Variants in DIP2C observed in about 807,000 individuals in gnomAD.
DIP2C encodes disco-interacting protein 2 homolog C.
DIP2C carries 33 observed loss-of-function variants against 192.4 expected under a neutral mutation model. The ratio of observed to expected loss-of-function variants is 0.17; its 90% CI spans 0.13 to 0.23. The LOEUF (loss-of-function observed/expected upper bound fraction) is 0.23. DIP2C is among the 10% of genes least tolerant of loss of function. The pLI, the probability that DIP2C is intolerant of heterozygous loss-of-function variation, is 1.00. For missense variants in DIP2C, 1,537 were observed against 2,110.1 expected (o/e 0.73, Z 5.32); for synonymous variants, 979 against 864.1 (o/e 1.13, Z -2.33).
Position 348,676 on chromosome 10 carries a change from C to G in DIP2C, c.3196G>C (p.Ala1066Pro), listed in dbSNP as rs771770814. 2 of 1,613,698 alleles carry G rather than the reference C, an allele frequency of 1.2e-6. No homozygotes were observed. Among genetic ancestry groups the G allele is most frequent in the Non-Finnish European group, 1.7e-6 (2 of 1,179,912 alleles). ...TVRPPHPQNIATTLPTVKMIV... is the reference protein window; with the variant it reads ...TVRPPHPQNIPTTLPTVKMIV... ...ATCTTGACGGTAGGCAACGTCGTCG[C>G]GATGTTCTGTGGGTGCGGGGGACGG... The change falls in exon 26 of 37, where the codon GCG becomes CCG. Residue 1066 changes from alanine to proline, a missense_variant. Around this residue, in one of 4 missense-constraint regions of DIP2C, gnomAD observed 677 missense variants for 989.9 expected, o/e 0.68. Transcript: ENST00000280886.
intron 1 of DIP2C, among the ~76,000 whole-genome samples, chr10:672,563 A>C (rs191024206): frequency 1.6e-3 from 239 of 152,348 alleles, no homozygotes; most frequent in Middle Eastern, 3.4e-3. Flanking sequence ...CATTAAACAG[A>C]AGGGCACTTC....
At chr10:672,109 G>A (rs1333356808) in intron 1 of DIP2C, among the ~76,000 whole-genome samples, 4 of 147,060 alleles carry the variant, frequency 2.7e-5, no homozygotes, top group Non-Finnish European at 4.5e-5. Context: ...GGCCACAGAC[G>A]CACGGAGGGA....
At chr10:633,517 C>T (rs761486197) in intron 1 of DIP2C, among the ~76,000 whole-genome samples, 6 of 146,782 alleles carry the variant, frequency 4.1e-5, no homozygotes, top group Non-Finnish European at 5.9e-5. Flanking sequence ...TGCCTCCGGC[C>T]GGTGCCCACT....
At chr10:580,929 A>G (rs755389588) in intron 1 of DIP2C, among the ~76,000 whole-genome samples, 15 of 151,948 alleles carry the variant, frequency 9.9e-5, no homozygotes, top group Non-Finnish European at 1.9e-4. Flanking sequence ...CTCCTTAAAA[A>G]ATTAGAAGTG....
At chr10:504,292 C>G (rs1845438937) in intron 1 of DIP2C, among the ~76,000 whole-genome samples, 1 of 152,258 alleles carries the variant, frequency 6.6e-6, no homozygotes, top group South Asian at 2.1e-4. Flanking sequence ...GCAAGGGAAA[C>G]AGCCGTCTGC....
chr10:673,110 ACAG>A (rs1294888032), intron 1 of DIP2C, among the ~76,000 whole-genome samples: 4 of 151,956 alleles, frequency 2.6e-5, no homozygotes, highest in African/African-American at 9.7e-5. Flanking sequence ...AGGGGCTGCC[ACAG>A]CTCAGCCACC....
At chr10:662,191 C>T (rs1588712629) in intron 1 of DIP2C, 3 of 705,254 alleles carry the variant, frequency 4.3e-6, no homozygotes, top group Admixed American at 2.0e-5. Context: ...TTTATCTATA[C>T]ACAAAGAGTA....
chr10:366,423 C>T lies in DIP2C; in HGVS notation c.2132-12G>A, dbSNP rs1379823227. The T allele has an allele frequency of 1.9e-6, 3 of 1,614,064 alleles. No individual in the cohort carries two copies. The Admixed American group carries it at 5.0e-5, about 27-fold the overall frequency. ...TGAACACATGATGGCTAAAAGCAAACAGGAAAGCACATGCAGTGTGAGAGG... is the reference window on the plus strand; with the variant it reads ...TGAACACATGATGGCTAAAAGCAAATAGGAAAGCACATGCAGTGTGAGAGG... On this transcript the variant is annotated splice_polypyrimidine_tract_variant and intron_variant, in intron 18 of 36. Transcript: ENST00000280886.
At chr10:287,974 TC>T (rs1955241718) in intron 33 of DIP2C, among the ~76,000 whole-genome samples, 1 of 152,186 alleles carries the variant, frequency 6.6e-6, no homozygotes. Context: ...GGGAACCTTC[TC>T]TATGGTCTGC....
intron 2 of DIP2C, among the ~76,000 whole-genome samples, chr10:483,389 G>A (rs952113845): frequency 3.3e-5 from 5 of 152,226 alleles, no homozygotes; most frequent in Admixed American, 6.5e-5. Flanking sequence ...AAACGTCTGC[G>A]TTCCTTGCTG....
chr10:307,313 G>A (rs957490708), intron 32 of DIP2C, among the ~76,000 whole-genome samples: 4 of 152,256 alleles, frequency 2.6e-5, no homozygotes, highest in Non-Finnish European at 5.9e-5. Context: ...CTTCTGACCT[G>A]TGTGACCCAG....
intron 18 of DIP2C, among the ~76,000 whole-genome samples, chr10:368,975 C>T (rs1415521285): frequency 6.6e-6 from 1 of 152,240 alleles, no homozygotes; most frequent in Non-Finnish European, 1.5e-5. Flanking sequence ...TGGGGAGGCA[C>T]GGCGGGCCCT....
chr10:571,272 C>T (rs930325554), intron 1 of DIP2C, among the ~76,000 whole-genome samples: 1 of 152,216 alleles, frequency 6.6e-6, no homozygotes. Flanking sequence ...TAACGTCGAC[C>T]ACATCTCAGG....
At chr10:513,403 C>T (rs1175108305) in intron 1 of DIP2C, among the ~76,000 whole-genome samples, 1 of 152,234 alleles carries the variant, frequency 6.6e-6, no homozygotes, top group African/African-American at 2.4e-5. Flanking sequence ...ACGGAAGTCT[C>T]CCCTTTACTC....
chr10:378,678 T>C (rs1314565819), intron 17 of DIP2C, among the ~76,000 whole-genome samples: 3 of 148,426 alleles, frequency 2.0e-5, no homozygotes, highest in East Asian at 2.0e-4. Context: ...TAGGCACACA[T>C]GAACAGACAT....
intron 1 of DIP2C, among the ~76,000 whole-genome samples, chr10:558,861 G>A (rs1849043712): frequency 6.6e-6 from 1 of 152,106 alleles, no homozygotes. Flanking sequence ...AAGAGCTGGG[G>A]CTAATGATGA....
chr10:438,906 C>A (rs1967491075), intron 4 of DIP2C, among the ~76,000 whole-genome samples: 1 of 152,036 alleles, frequency 6.6e-6, no homozygotes, highest in Non-Finnish European at 1.5e-5. Flanking sequence ...ACGGCAACCT[C>A]TGCCTCCCAG....
At chr10:423,603 A>G (rs1265690696) in intron 4 of DIP2C, among the ~76,000 whole-genome samples, 1 of 151,846 alleles carries the variant, frequency 6.6e-6, no homozygotes, top group East Asian at 1.9e-4. Flanking sequence ...TTATTTCTAC[A>G]TCAGTGTGTT....
chr10:663,093 C>G (rs1026356207), intron 1 of DIP2C: 1 of 576,404 alleles, frequency 1.7e-6, no homozygotes, highest in African/African-American at 1.9e-5. Context: ...CTCCAGTGGG[C>G]AGCCTGGTCT....
Sources: allele counts gnomAD v4.1 joint callset (sites outside exome capture counted in the v4.1 genomes callset), GRCh38; gene constraint gnomAD v4.1.1; regional missense constraint gnomAD v4.1.1; transcripts MANE v1.5; gene names NCBI Gene and HGNC (gene_info 2026-07-23, HGNC 2026-07-21).